ABR: variants seen among roughly 807,000 people sequenced by gnomAD.
The protein encoded by ABR is active breakpoint cluster region-related protein.
In ABR, 35 loss-of-function variants were observed where a neutral mutation model predicts 107.2. The observed-to-expected ratio is 0.33, with a 90% confidence interval of 0.25 to 0.43. The LOEUF (loss-of-function observed/expected upper bound fraction) is 0.43, where lower values mean the gene tolerates loss of function less well. Ranked by LOEUF, ABR falls within the 20% of genes least tolerant of loss-of-function variation. The probability of loss-of-function intolerance (pLI) is 1.00; values close to 1 mark genes in which losing one functional copy is unlikely to be tolerated. For missense variants in ABR, 815 were observed against 1,115.2 expected, an observed-to-expected ratio of 0.73 and a Z score of 3.83; for synonymous variants, 498 against 462.0, an observed-to-expected ratio of 1.08 and a Z score of -1.00.
At chr17:1,080,405 A>G (rs2036134147) in intron 5 of ABR, among the ~76,000 whole-genome samples, 1 of 152,166 alleles carries the variant, frequency 6.6e-6, no homozygotes, top group African/African-American at 2.4e-5. Context: ...GAGACGTTCC[A>G]GCCCCAGCTT....
At chr17:1,133,006 GC>G (rs2039912605) in intron 1 of ABR, among the ~76,000 whole-genome samples, 1 of 152,122 alleles carries the variant, frequency 6.6e-6, no homozygotes, top group African/African-American at 2.4e-5. Context: ...TCTTTGGGAG[GC>G]CGAAGTGGAC....
chr17:1,032,276 C>G (rs549234048), intron 16 of ABR, among the ~76,000 whole-genome samples: 88 of 152,272 alleles, frequency 5.8e-4, no homozygotes, highest in African/African-American at 2.0e-3. Context: ...CTGCCCCAGG[C>G]ACCTTCCTCA....
Position 1,050,714 on chromosome 17 carries a change from G to A in ABR, c.1562-80C>T, listed in dbSNP as rs1597552437. 3.5e-6 allele frequency: 4 copies of A among 1,131,018 alleles called. No homozygotes were observed. Among genetic ancestry groups the A allele is most frequent in the Non-Finnish European group, 5.4e-6 (4 of 746,080 alleles). 70.1% of individuals were successfully genotyped at this position (1,131,018 alleles called of 1,614,324 possible). A position where few individuals can be genotyped will look rare whatever the true frequency, so the allele number is the denominator to read the frequency against. ...CTGGGGCGGCACTCAGGATGGAGGG[G>A]GACATCGCATCTGTCCTTTCCAACG... On this transcript the variant is annotated intron_variant, in intron 14 of 22. Transcript: ENST00000302538. This position sits in a 1 kb window ranked among gnomAD's most constrained non-coding sequence, Gnocchi z 4.6.
At position 1,007,392 on chromosome 17, in the gene ABR, G is replaced by A; in HGVS notation, c.2343-80C>T. On this transcript the variant is annotated intron_variant, in intron 21 of 22. Coordinates refer to ENST00000302538, the MANE Select transcript of ABR (RefSeq NM_021962.5). ...CTCCAGGACCCTTGGCCTTCGCTGT[G>A]GGAACTCCTGAAGGACTCCTGGAAG... 4 of 1,560,964 alleles carry A rather than the reference G, an allele frequency of 2.6e-6. No homozygotes were observed. In the South Asian group the frequency reaches 3.5e-5, roughly 14 times the overall value.
At chr17:1,205,820 G>A (rs1392848719) in intron 1 of ABR, among the ~76,000 whole-genome samples, 1 of 152,212 alleles carries the variant, frequency 6.6e-6, no homozygotes, top group Non-Finnish European at 1.5e-5. Flanking sequence ...GTGCATGCCT[G>A]TAGTCCCAGC....
chr17:1,095,688 C>T (rs1327931127), intron 3 of ABR, among the ~76,000 whole-genome samples: 1 of 152,066 alleles, frequency 6.6e-6, no homozygotes, highest in East Asian at 1.9e-4. Context: ...GCTCCCATAC[C>T]AGCTGCTTCT....
At chr17:1,225,283 C>T (rs2043193700) in intron 1 of ABR, among the ~76,000 whole-genome samples, 2 of 152,090 alleles carry the variant, frequency 1.3e-5, no homozygotes, top group Admixed American at 1.3e-4. Context: ...CAGGTGTGAG[C>T]CATTGTACCA....
intron 2 of ABR, among the ~76,000 whole-genome samples, chr17:1,115,731 C>G (rs1490702597): frequency 6.6e-6 from 1 of 151,900 alleles, no homozygotes; most frequent in African/African-American, 2.4e-5. Context: ...TCAAGACCAG[C>G]CTGGCCAACG....
chr17:1,108,296 T>C (rs1178158695), intron 2 of ABR, among the ~76,000 whole-genome samples: 4 of 151,710 alleles, frequency 2.6e-5, no homozygotes, highest in African/African-American at 7.3e-5. Context: ...ACCACTGCCC[T>C]CCAGTTCCAC....
At chr17:1,026,977 G>A (rs1469772235) in intron 16 of ABR, among the ~76,000 whole-genome samples, 1 of 150,988 alleles carries the variant, frequency 6.6e-6, no homozygotes, top group Non-Finnish European at 1.5e-5. Flanking sequence ...CAGGCTTGGG[G>A]GCTCCTTCCA....
At chr17:1,165,007 T>A (rs982729641) in intron 1 of ABR, among the ~76,000 whole-genome samples, 4 of 152,234 alleles carry the variant, frequency 2.6e-5, no homozygotes, top group Non-Finnish European at 4.4e-5. Context: ...GGCATCCTTA[T>A]TTTTATTTGC....
chr17:1,047,493 T>G (rs2031807084), intron 16 of ABR, among the ~76,000 whole-genome samples: 1 of 152,192 alleles, frequency 6.6e-6, no homozygotes, highest in Non-Finnish European at 1.5e-5. Flanking sequence ...AAAGGCAGGC[T>G]GGTGAGATGG....
chr17:1,012,978 C>A (rs2070759439), intron 17 of ABR, 127 bp downstream of exon 17: 1 of 1,222,276 alleles, frequency 8.2e-7, no homozygotes, highest in East Asian at 2.4e-5. Context: ...GGAGAGGGGG[C>A]TGGGCTGCGG....
At chr17:1,125,906 G>A (rs1187366839) in intron 1 of ABR, among the ~76,000 whole-genome samples, 17 of 152,190 alleles carry the variant, frequency 1.1e-4, no homozygotes, top group Admixed American at 7.2e-4. Context: ...ACAAGGCCCC[G>A]CACGGAGGAC....
intron 1 of ABR, among the ~76,000 whole-genome samples, chr17:1,174,607 T>C (rs896399989): frequency 1.3e-5 from 2 of 152,166 alleles, no homozygotes; most frequent in Non-Finnish European, 2.9e-5. Flanking sequence ...AAATCGCCCT[T>C]GGAAATGTTG....
chr17:1,104,469 TATA>T (rs1413359950), intron 2 of ABR, among the ~76,000 whole-genome samples: 2 of 152,104 alleles, frequency 1.3e-5, no homozygotes, highest in African/African-American at 4.8e-5. Context: ...GACTCAAGGC[TATA>T]GGGCATGCAG....
intron 1 of ABR, among the ~76,000 whole-genome samples, chr17:1,167,117 T>C (rs1389285309): frequency 6.6e-6 from 1 of 152,070 alleles, no homozygotes; most frequent in Non-Finnish European, 1.5e-5. Context: ...GATACCCCAG[T>C]GATTTATCTT....
intron 16 of ABR, among the ~76,000 whole-genome samples, chr17:1,036,327 G>A (rs955537153): frequency 2.0e-5 from 3 of 152,150 alleles, no homozygotes; most frequent in African/African-American, 7.2e-5. Flanking sequence ...AGCCCAGGAG[G>A]AGCCTGGCAC....
intron 2 of ABR, among the ~76,000 whole-genome samples, chr17:1,116,840 G>C (rs922473448): frequency 3.9e-5 from 6 of 152,176 alleles, no homozygotes; most frequent in African/African-American, 1.2e-4. Flanking sequence ...CCTTCTCTTT[G>C]CAGCAGGGAC....
Sources: allele counts gnomAD v4.1 joint callset (sites outside exome capture counted in the v4.1 genomes callset), GRCh38; gene constraint gnomAD v4.1.1; non-coding constraint Gnocchi (gnomAD v3.1); transcripts MANE v1.5; gene names NCBI Gene and HGNC (gene_info 2026-07-23, HGNC 2026-07-21).